ARID1B: variants seen among roughly 807,000 people sequenced by gnomAD.
The protein encoded by ARID1B is AT-rich interactive domain-containing protein 1B.
ARID1B carries 30 observed loss-of-function variants against 212.3 expected under a neutral mutation model. That is an observed-to-expected ratio of 0.14 (90% confidence interval 0.11 to 0.19). ARID1B has a LOEUF of 0.19. ARID1B is among the 10% of genes least tolerant of loss of function. The pLI is 1.00. For missense variants in ARID1B, 2,891 were observed against 3,204.0 expected (o/e 0.90, Z 2.36); for synonymous variants, 1,402 against 1,301.7 (o/e 1.08, Z -1.66).
intron 4 of ARID1B, chr6:156,985,345 G>T (rs1259947946): frequency 6.6e-6 from 1 of 152,174 alleles, no homozygotes. Context: ...TGTACTTAGC[G>T]TTTGTGTATA....
chr6:156,899,544 G>A (rs548771472), intron 2 of ARID1B, among the ~76,000 whole-genome samples: 3 of 152,264 alleles, frequency 2.0e-5, no homozygotes, highest in South Asian at 4.2e-4. Context: ...CCCAGGTCTC[G>A]GTTTGCTCAG....
At chr6:156,858,186 A>G (rs1449838064) in intron 2 of ARID1B, among the ~76,000 whole-genome samples, 5 of 151,950 alleles carry the variant, frequency 3.3e-5, no homozygotes, top group South Asian at 2.1e-4. Context: ...AAGTGAACTC[A>G]TGGAGCTGGA....
At chr6:157,135,630 AATCAAAATC>A (rs1788854359) in intron 7 of ARID1B, among the ~76,000 whole-genome samples, 1 of 152,194 alleles carries the variant, frequency 6.6e-6, no homozygotes, top group Non-Finnish European at 1.5e-5. Context: ...TCAATGTCCA[AATCAAAATC>A]ATCACCTTTT....
chr6:157,053,287 G>A (rs372596707), intron 4 of ARID1B, among the ~76,000 whole-genome samples: 27 of 152,108 alleles, frequency 1.8e-4, no homozygotes, highest in African/African-American at 5.1e-4. Context: ...TGGTTTCACC[G>A]TGTTGCCAGG....
At chr6:156,789,426 T>A (rs140866736) in intron 1 of ARID1B, among the ~76,000 whole-genome samples, 21 of 152,208 alleles carry the variant, frequency 1.4e-4, no homozygotes, top group Non-Finnish European at 1.3e-4. Context: ...TGTGAAGAGC[T>A]CACTGTGTGC....
At chr6:156,787,112 C>T (rs1054899487) in intron 1 of ARID1B, among the ~76,000 whole-genome samples, 11 of 151,760 alleles carry the variant, frequency 7.2e-5, no homozygotes, top group Non-Finnish European at 1.0e-4. Context: ...GATTCACTAC[C>T]GAGAATAATA....
intron 15 of ARID1B, chr6:157,195,808 C>T: frequency 3.9e-6 from 1 of 258,884 alleles, no homozygotes; most frequent in Non-Finnish European, 7.4e-6. Flanking sequence ...CGCCTATAAT[C>T]CCAGCATGTT....
intron 4 of ARID1B, among the ~76,000 whole-genome samples, chr6:157,004,897 CTTTTTTTTTTTTTTTTT>C (rs1177807875): frequency 9.1e-5 from 5 of 54,722 alleles, no homozygotes; most frequent in South Asian, 4.5e-4. Context: ...CTTCTTTTTT[CTTTTTTTTTTTTTTTTT>C]TTTTTTTTTT....
chr6:156,996,925 A>G (rs960884581), intron 4 of ARID1B, among the ~76,000 whole-genome samples: 1 of 152,172 alleles, frequency 6.6e-6, no homozygotes, highest in African/African-American at 2.4e-5. Flanking sequence ...CTACGACTTA[A>G]AAGTTTCTGA....
chr6:156,854,480 AGGT>A (rs1784781017), intron 2 of ARID1B, among the ~76,000 whole-genome samples: 1 of 152,258 alleles, frequency 6.6e-6, no homozygotes. Flanking sequence ...CGGAAGATTC[AGGT>A]GTCTGCTTGG....
At chr6:156,829,456 T>C (rs2128047665) in intron 2 of ARID1B, 35 bp downstream of exon 2, 6 of 1,586,334 alleles carry the variant, frequency 3.8e-6, no homozygotes, top group Non-Finnish European at 5.2e-6. Flanking sequence ...TGCTTTTTTG[T>C]AATAGTTTTG....
intron 1 of ARID1B, among the ~76,000 whole-genome samples, chr6:156,800,611 ATAAATT>A (rs1780709745): frequency 1.3e-5 from 2 of 152,110 alleles, no homozygotes; most frequent in African/African-American, 4.8e-5. Context: ...AGCAAATAAA[ATAAATT>A]AAAATTAGGC....
intron 1 of ARID1B, among the ~76,000 whole-genome samples, chr6:156,780,769 C>T (rs1329365283): frequency 6.6e-6 from 1 of 152,164 alleles, no homozygotes; most frequent in African/African-American, 2.4e-5. Context: ...CAGTATTGGG[C>T]ATTTACAAAA....
intron 2 of ARID1B, among the ~76,000 whole-genome samples, chr6:156,890,119 C>T (rs948672542): frequency 6.6e-6 from 1 of 152,190 alleles, no homozygotes; most frequent in Non-Finnish European, 1.5e-5. Flanking sequence ...ATATCCCTGA[C>T]TTCTGGAAAT....
intron 4 of ARID1B, among the ~76,000 whole-genome samples, chr6:156,987,133 C>G (rs940237323): frequency 2.0e-5 from 3 of 150,574 alleles, no homozygotes; most frequent in Non-Finnish European, 4.4e-5. Flanking sequence ...AGCTGTGATA[C>G]TGCCACTTCA....
chr6:156,879,437 C>T (rs2128163628), intron 2 of ARID1B, among the ~76,000 whole-genome samples: 1 of 152,362 alleles, frequency 6.6e-6, no homozygotes, highest in African/African-American at 2.4e-5. Context: ...CACAGCTCTA[C>T]ACTCTGGCAA....
intron 5 of ARID1B, among the ~76,000 whole-genome samples, chr6:157,091,937 T>A (rs1262924533): frequency 6.6e-6 from 1 of 152,260 alleles, no homozygotes; most frequent in East Asian, 1.9e-4. Context: ...ATCTTATTTT[T>A]AAATATCTAT....
chr6:157,114,465 C>T (rs1193069731), intron 6 of ARID1B, among the ~76,000 whole-genome samples: 4 of 137,928 alleles, frequency 2.9e-5, no homozygotes, highest in Admixed American at 1.6e-4. Context: ...CGGACGTTGC[C>T]GTGAGCTGAG....
intron 11 of ARID1B, among the ~76,000 whole-genome samples, chr6:157,180,585 C>T (rs1350490979): frequency 6.6e-6 from 1 of 152,096 alleles, no homozygotes; most frequent in East Asian, 1.9e-4. Context: ...TATAATATCA[C>T]ATGTAAAAAT....
Sources: allele counts gnomAD v4.1 joint callset (sites outside exome capture counted in the v4.1 genomes callset), GRCh38; gene constraint gnomAD v4.1.1; transcripts MANE v1.5; gene names NCBI Gene and HGNC (gene_info 2026-07-23, HGNC 2026-07-21).